The following SRP19 variants were observed in gnomAD, a reference collection of about 807,000 sequenced individuals.
SRP19 encodes signal recognition particle 19.
SRP19 carries 11 observed loss-of-function variants against 22.4 expected under a neutral mutation model. That is an observed-to-expected ratio of 0.49 (90% CI 0.31 to 0.81). The LOEUF (loss-of-function observed/expected upper bound fraction) is 0.81. Ranked by LOEUF, SRP19 falls within the 40% of genes least tolerant of loss-of-function variation. The pLI, the probability that SRP19 is intolerant of heterozygous loss-of-function variation, is 0.05. For missense variants in SRP19, 168 were observed against 175.9 expected (o/e 0.96, Z 0.25); for synonymous variants, 61 against 57.6 (o/e 1.06, Z -0.27).
chr5:112,867,983 C>G lies in SRP19; in HGVS notation c.*446C>G. Reference sequence around the variant, plus strand: ...AGAATAAAATATGTAGTGAAAGTTTCCATAGTGTGAGGCTAAAACTAGAAG... The same window carrying G: ...AGAATAAAATATGTAGTGAAAGTTTGCATAGTGTGAGGCTAAAACTAGAAG... On this transcript the variant is annotated 3_prime_UTR_variant, in exon 5 of 5. Transcript: ENST00000505459. 1 of 986,700 alleles carries G rather than the reference C, an allele frequency of 1.0e-6. No homozygotes were observed. 61.1% of individuals were successfully genotyped at this position (986,700 alleles called of 1,614,324 possible).
chr5:112,884,359 C>T (rs577943227), intron 4 of SRP19, among the ~76,000 whole-genome samples: 126 of 152,196 alleles, frequency 8.3e-4, no homozygotes, highest in African/African-American at 2.9e-3. Flanking sequence ...AGTATGATTC[C>T]CCATGGTTCC....
intron 4 of SRP19, among the ~76,000 whole-genome samples, chr5:112,882,557 CTA>C (rs1768113201): frequency 6.6e-6 from 1 of 152,212 alleles, no homozygotes; most frequent in African/African-American, 2.4e-5. Context: ...ACTGGTTTCA[CTA>C]TAAATTCATG....
At chr5:112,887,006 G>GA in intron 4 of SRP19, 1 of 1,582,008 alleles carries the variant, frequency 6.3e-7, no homozygotes, top group South Asian at 1.1e-5. Context: ...TCTTGTTCCT[G>GA]AGTCTTACCT....
At chr5:112,891,915 A>C (rs1478576927) in exon 5 of SRP19, 1 of 1,306,386 alleles carries the variant, frequency 7.7e-7, no homozygotes, top group Middle Eastern at 1.8e-4. Flanking sequence ...AAGAATTCAG[A>C]ATAAAGAAGG....
chr5:112,887,006 G>C, intron 4 of SRP19: 1 of 1,582,008 alleles, frequency 6.3e-7, no homozygotes, highest in Non-Finnish European at 8.7e-7. Flanking sequence ...TCTTGTTCCT[G>C]AGTCTTACCT....
At chr5:112,890,507 C>G (rs1258981812) in intron 4 of SRP19, among the ~76,000 whole-genome samples, 2 of 150,148 alleles carry the variant, frequency 1.3e-5, no homozygotes, top group African/African-American at 5.0e-5. Flanking sequence ...TAGCTGAAGA[C>G]CACAGGCATG....
rs1182520180 is a variant in SRP19 at position 112,868,836 on chromosome 5, T to G, written c.*1299T>G. The G allele has an allele frequency of 6.6e-6, 1 of 151,162 alleles. No homozygotes were observed. The highest frequency in any genetic ancestry group is 1.9e-4 in the East Asian group (1 of 5,178). 9.4% of individuals were successfully genotyped at this position (151,162 alleles called of 1,614,324 possible). ...TTAAACTCCCAGGCTCAAGTGATCCTCCTGCCTCAACCTCCCAAAGTGCTG... is the reference window on the plus strand; with the variant it reads ...TTAAACTCCCAGGCTCAAGTGATCCGCCTGCCTCAACCTCCCAAAGTGCTG... On this transcript the variant is annotated 3_prime_UTR_variant, in exon 5 of 5. Coordinates refer to ENST00000505459, the MANE Select transcript of SRP19 (RefSeq NM_003135.3).
intron 4 of SRP19, among the ~76,000 whole-genome samples, chr5:112,884,651 G>A (rs1046526911): frequency 6.6e-6 from 1 of 152,028 alleles, no homozygotes; most frequent in Non-Finnish European, 1.5e-5. Flanking sequence ...CTCCCAAAAT[G>A]TTGGGATTAC....
At chr5:112,862,418 A>T (rs900122726) in intron 1 of SRP19, 90 bp from the exon 2 acceptor site, 1 of 1,048,624 alleles carries the variant, frequency 9.5e-7, no homozygotes, top group East Asian at 2.4e-5. Context: ...TCTAGGCAGC[A>T]TGAATTGGCC....
At chr5:112,884,262 C>G (rs1431017689) in intron 4 of SRP19, among the ~76,000 whole-genome samples, 1 of 152,192 alleles carries the variant, frequency 6.6e-6, no homozygotes, top group Non-Finnish European at 1.5e-5. Context: ...TTCGCAACTT[C>G]TTCCACCTCA....
chr5:112,875,516 C>A (rs761796205), intron 4 of SRP19, among the ~76,000 whole-genome samples: 35 of 151,944 alleles, frequency 2.3e-4, no homozygotes, highest in Non-Finnish European at 4.6e-4. Context: ...CAGGTACGTT[C>A]CACCACACCT....
downstream of SRP19, chr5:112,895,671 AT>A (rs931968906): frequency 2.6e-5 from 4 of 152,192 alleles, no homozygotes; most frequent in African/African-American, 9.7e-5. Flanking sequence ...TCATTTTCTT[AT>A]GTTAAAAATA....
At chr5:112,898,307 TTTAATCCTTTCAAGTA>T (rs1300314279) in exon 4 of SRP19, 1 of 152,202 alleles carries the variant, frequency 6.6e-6, no homozygotes, top group African/African-American at 2.4e-5. Flanking sequence ...ATCATGAATG[TTTAATCCTTTCAAGTA>T]TGTTATCTAT....
chr5:112,866,117 T>C (rs752952938), intron 4 of SRP19, among the ~76,000 whole-genome samples: 1,780 of 26,722 alleles, frequency 0.067, 9 homozygotes, highest in Middle Eastern at 0.2. Flanking sequence ...GTCTTTTTTC[T>C]TTTTTTTTTT....
chr5:112,887,653 C>T (rs17135108), intron 4 of SRP19, among the ~76,000 whole-genome samples: 5,292 of 152,186 alleles, frequency 0.035, 217 homozygotes, highest in East Asian at 0.16. Flanking sequence ...TTGTCCATTC[C>T]TGAATTCTTC....
At chr5:112,876,754 T>C (rs117576852) in intron 4 of SRP19, 1 of 152,334 alleles carries the variant, frequency 6.6e-6, no homozygotes, top group East Asian at 1.9e-4. Context: ...GCTCAATTCT[T>C]AACTTCTCCT....
At chr5:112,891,491 T>G in intron 4 of SRP19, 1 of 1,061,264 alleles carries the variant, frequency 9.4e-7, no homozygotes, top group Non-Finnish European at 1.3e-6. Context: ...TGAAAGTAAT[T>G]TGTAATATAT....
Position 112,864,666 on chromosome 5 carries a change from A to G in SRP19, c.235A>G (p.Arg79Gly). 1.2e-6 allele frequency: 2 copies of G among 1,614,222 alleles called. No homozygotes were observed. Among genetic ancestry groups the G allele is most frequent in the East Asian group, 4.5e-5 (2 of 44,884 alleles). The change falls in exon 4 of 5, where the codon AGA becomes GGA. Residue 79 changes from arginine to glycine, a missense_variant. Transcript: ENST00000505459. ...AGAATGGAATCGTGATGTCCAATACAGAGGCAGAGTCCGGGTCCAGCTCAA... is the reference window on the plus strand; with the variant it reads ...AGAATGGAATCGTGATGTCCAATACGGAGGCAGAGTCCGGGTCCAGCTCAA... ...SREWNRDVQY[R>G]GRVRVQLKQE...
chr5:112,889,828 A>T (rs1768378454), intron 4 of SRP19, among the ~76,000 whole-genome samples: 1 of 129,692 alleles, frequency 7.7e-6, no homozygotes. Flanking sequence ...GGAAAAAAAA[A>T]ATTTTTTTTT....
Sources: allele counts gnomAD v4.1 joint callset (sites outside exome capture counted in the v4.1 genomes callset), GRCh38; gene constraint gnomAD v4.1.1; transcripts MANE v1.5; gene names NCBI Gene and HGNC (gene_info 2026-07-23, HGNC 2026-07-21).